The following RPTOR variants were observed in gnomAD, a reference collection of about 807,000 sequenced individuals.
The protein encoded by RPTOR is regulatory associated protein of MTOR complex 1.
In RPTOR, 21 loss-of-function variants were observed where a neutral mutation model predicts 169.9. The ratio of observed to expected loss-of-function variants is 0.12; its 90% CI spans 0.09 to 0.18. The LOEUF is 0.18. Among genes scored for constraint, RPTOR ranks in the 10% least tolerant of loss-of-function variants. RPTOR has a pLI of 1.00. For synonymous variants in RPTOR, 732 were observed against 753.2 expected, an observed-to-expected ratio of 0.97 and a Z score of 0.46; for missense variants, 1,133 against 1,855.9, an observed-to-expected ratio of 0.61 and a Z score of 7.16.
chr17:80,831,366 C>T (rs934199939), intron 9 of RPTOR, among the ~76,000 whole-genome samples: 17 of 152,138 alleles, frequency 1.1e-4, no homozygotes, highest in African/African-American at 2.9e-4. Flanking sequence ...CTGTGGAGTC[C>T]GTTATTGCAG....
rs2084508799 is a variant in RPTOR, at chr17:80,562,284, T to G, written c.162+16493T>G. Reference sequence around the variant, plus strand: ...GAACACGTGTTTGCTTGTGAAAACTTAAGGAATGTTTTGGTGGGATATGTT... The same window carrying G: ...GAACACGTGTTTGCTTGTGAAAACTGAAGGAATGTTTTGGTGGGATATGTT... On this transcript the variant is annotated intron_variant, in intron 1 of 33. Coordinates refer to ENST00000306801, the MANE Select transcript of RPTOR (RefSeq NM_020761.3). The surrounding 1 kb of genome is among the most constrained non-coding windows in gnomAD (Gnocchi z 4.4). 6.6e-6 allele frequency among the ~76,000 whole-genome samples: 1 copy of G among 152,128 alleles called. No individual in the cohort carries two copies. The highest frequency in any genetic ancestry group is 6.5e-5 in the Admixed American group (1 of 15,276).
At chr17:80,643,620 C>A in intron 2 of RPTOR, 108 bp from the exon 3 acceptor site, 1 of 748,034 alleles carries the variant, frequency 1.3e-6, no homozygotes, top group South Asian at 1.8e-5. Context: ...TACTTTTAGT[C>A]AAAGGTGACT....
In RPTOR at chr17:80,625,825, A is replaced by T. The variant is rs754390340; in HGVS notation, c.265+32A>T. The T allele has an allele frequency of 4.0e-6, 6 of 1,503,690 alleles. No homozygotes were observed. The East Asian group carries it at 1.1e-4, about 28-fold the overall frequency. The allele number at this position is 1,503,690 out of a possible 1,614,324, so 93.1% of individuals were successfully genotyped here. A position where few individuals can be genotyped will look rare whatever the true frequency, so the allele number is the denominator to read the frequency against. ...ATGCCTCCCTCACGCGCTGCCACAAAGGCCGTCTGGCCGGCTCTGGCCTGG... is the reference window on the plus strand; with the variant it reads ...ATGCCTCCCTCACGCGCTGCCACAATGGCCGTCTGGCCGGCTCTGGCCTGG... On this transcript the variant is annotated intron_variant, in intron 2 of 33. Transcript: ENST00000306801.
At chr17:80,670,629 T>C (rs963005712) in intron 3 of RPTOR, among the ~76,000 whole-genome samples, 10 of 152,170 alleles carry the variant, frequency 6.6e-5, no homozygotes, top group African/African-American at 2.2e-4. Flanking sequence ...TTGTAATCCA[T>C]TTGGTAACAG....
At chr17:80,615,418 C>CT (rs1473615125) in intron 1 of RPTOR, among the ~76,000 whole-genome samples, 2 of 152,168 alleles carry the variant, frequency 1.3e-5, no homozygotes, top group Non-Finnish European at 2.9e-5. Flanking sequence ...AGGACACAGT[C>CT]TTTTTTTCCC....
chr17:80,962,799 G>C, intron 32 of RPTOR, 129 bp from the exon 33 acceptor site: 1 of 1,489,124 alleles, frequency 6.7e-7, no homozygotes, highest in East Asian at 2.4e-5. Flanking sequence ...TGACCAGAGG[G>C]TCACACCTGC....
chr17:80,660,373 TGTGTC>T (rs2065713198), intron 3 of RPTOR, among the ~76,000 whole-genome samples: 1 of 152,156 alleles, frequency 6.6e-6, no homozygotes, highest in Non-Finnish European at 1.5e-5. Context: ...GAGAAAGTGT[TGTGTC>T]GTGTCATGTC....
intron 20 of RPTOR, among the ~76,000 whole-genome samples, chr17:80,903,989 A>G (rs4969300): frequency 0.86 from 131,522 of 152,248 alleles, 56,925 homozygotes; most frequent in Non-Finnish European, 0.89. Flanking sequence ...TGTTTTTAGG[A>G]CAAAAGTCCT....
At chr17:80,640,276 C>T (rs1357980595) in intron 2 of RPTOR, among the ~76,000 whole-genome samples, 1 of 152,210 alleles carries the variant, frequency 6.6e-6, no homozygotes, top group African/African-American at 2.4e-5. Flanking sequence ...TACAGTTTTA[C>T]ATTTATGATC....
rs376006172 is a variant in RPTOR at position 80,550,407 on chromosome 17, G to A, written c.162+4616G>A. On this transcript the variant is annotated intron_variant, in intron 1 of 33. Transcript: ENST00000306801. ...CTTTGCTACCTGACACCTAAATGCA[G>A]GGGCACCCCAGGAATTGATCTTGGA... Among the ~76,000 whole-genome samples, 183 of 152,292 alleles carry A rather than the reference G, an allele frequency of 1.2e-3. 4 individuals carry two copies. The South Asian group carries it at 0.036, about 30-fold the overall frequency.
intron 5 of RPTOR, among the ~76,000 whole-genome samples, chr17:80,740,963 A>G (rs748206082): frequency 2.6e-5 from 4 of 152,240 alleles, no homozygotes; most frequent in Non-Finnish European, 5.9e-5. Context: ...AGGGAAACGC[A>G]AATCAAAACT....
chr17:80,825,941 A>C (rs760718035), intron 9 of RPTOR, among the ~76,000 whole-genome samples: 13 of 152,162 alleles, frequency 8.5e-5, no homozygotes, highest in Non-Finnish European at 1.6e-4. Flanking sequence ...GGCTGGTGTC[A>C]TGACACTGCT....
At chr17:80,685,158 C>A in intron 3 of RPTOR, among the ~76,000 whole-genome samples, 1 of 151,964 alleles carries the variant, frequency 6.6e-6, no homozygotes, top group Admixed American at 6.6e-5. Flanking sequence ...GCCCCTCATT[C>A]AGGGTCGCAC....
intron 3 of RPTOR, among the ~76,000 whole-genome samples, chr17:80,669,711 A>G (rs141979466): frequency 2.6e-5 from 4 of 152,254 alleles, no homozygotes; most frequent in African/African-American, 9.6e-5. Flanking sequence ...ACGCCTTGTT[A>G]TGTTTCTCCC....
At chr17:80,590,496 G>A (rs1382946733) in intron 1 of RPTOR, among the ~76,000 whole-genome samples, 2 of 150,950 alleles carry the variant, frequency 1.3e-5, no homozygotes, top group Non-Finnish European at 2.9e-5. Flanking sequence ...GCACATGCGT[G>A]CACACAGTGT....
intron 7 of RPTOR, among the ~76,000 whole-genome samples, chr17:80,817,218 A>C (rs986606541): frequency 2.6e-5 from 4 of 152,142 alleles, no homozygotes; most frequent in African/African-American, 9.7e-5. Flanking sequence ...CAGCTAGTCC[A>C]CAGTCACAGA....
intron 1 of RPTOR, among the ~76,000 whole-genome samples, chr17:80,594,535 C>T (rs2065131102): frequency 6.6e-6 from 1 of 152,226 alleles, no homozygotes; most frequent in South Asian, 2.1e-4. Context: ...AGAACTGTAT[C>T]CCCTTAGCCA....
chr17:80,915,905 A>C (rs375576506), intron 21 of RPTOR, among the ~76,000 whole-genome samples: 5 of 144,766 alleles, frequency 3.5e-5, no homozygotes, highest in African/African-American at 5.1e-5. Flanking sequence ...AGAGGAGTTA[A>C]CCACTCCAGG....
intron 9 of RPTOR, among the ~76,000 whole-genome samples, chr17:80,833,107 G>A (rs2067524566): frequency 3.2e-5 from 1 of 31,234 alleles, no homozygotes; most frequent in South Asian, 9.3e-4. Context: ...TTCCGTTCCC[G>A]GGGCGGGCGC....
Sources: gnomAD v4.1 joint callset for allele counts (sites outside exome capture counted in the v4.1 genomes callset) on GRCh38, gnomAD v4.1.1 for gene constraint, Gnocchi (gnomAD v3.1) non-coding constraint, MANE v1.5 for transcripts, NCBI Gene and HGNC (gene_info 2026-07-23, HGNC 2026-07-21) for gene names.